Variants in PRELID2 observed in about 807,000 individuals in gnomAD.
PRELID2 encodes the protein PRELI domain containing 2.
Under a neutral mutation model 28.4 loss-of-function variants are expected in PRELID2, and 25 were observed. That is an observed-to-expected ratio of 0.88 (90% CI 0.64 to 1.23). The LOEUF (loss-of-function observed/expected upper bound fraction) is 1.23, where lower values mean the gene tolerates loss of function less well. Ranked by LOEUF, PRELID2 falls within the 50% of genes most tolerant of loss-of-function variation. The pLI, the probability that PRELID2 is intolerant of heterozygous loss-of-function variation, is 0.00. For synonymous variants in PRELID2, 76 were observed against 71.6 expected, an observed-to-expected ratio of 1.06 and a Z score of -0.31; for missense variants, 201 against 214.4, an observed-to-expected ratio of 0.94 and a Z score of 0.39.
At chr5:145,798,633 T>A (rs935088432) in intron 4 of PRELID2, among the ~76,000 whole-genome samples, 1 of 152,148 alleles carries the variant, frequency 6.6e-6, no homozygotes, top group Non-Finnish European at 1.5e-5. Flanking sequence ...CAAATGTCCA[T>A]CAATGATAGA....
chr5:145,595,590 G>A (rs527296358), intron 1 of PRELID2, among the ~76,000 whole-genome samples: 1 of 152,212 alleles, frequency 6.6e-6, no homozygotes, highest in Non-Finnish European at 1.5e-5. Context: ...TACCCTGGTC[G>A]TTAATGAATT....
intron 5 of PRELID2, among the ~76,000 whole-genome samples, chr5:145,766,697 G>C (rs1315036407): frequency 6.6e-6 from 1 of 152,160 alleles, no homozygotes; most frequent in African/African-American, 2.4e-5. Flanking sequence ...ACCACTGTCA[G>C]AGGTAGGAGA....
chr5:145,650,955 G>A (rs994939081), intron 1 of PRELID2, among the ~76,000 whole-genome samples: 8 of 152,270 alleles, frequency 5.3e-5, no homozygotes, highest in African/African-American at 1.9e-4. Flanking sequence ...AAAGCAGGGC[G>A]AGGCATCGCC....
At chr5:145,535,056 A>T (rs1752687437) in intron 1 of PRELID2, among the ~76,000 whole-genome samples, 1 of 151,974 alleles carries the variant, frequency 6.6e-6, no homozygotes, top group Admixed American at 6.6e-5. Flanking sequence ...CCACAGAATT[A>T]TAGACCTTGC....
intron 1 of PRELID2, among the ~76,000 whole-genome samples, chr5:145,717,130 C>A (rs930487407): frequency 6.6e-6 from 1 of 152,048 alleles, no homozygotes; most frequent in Non-Finnish European, 1.5e-5. Context: ...CCCATTAATG[C>A]TTATTTTAAT....
chr5:145,784,245 A>G (rs1030161214), intron 5 of PRELID2, among the ~76,000 whole-genome samples: 11 of 151,580 alleles, frequency 7.3e-5, no homozygotes, highest in Middle Eastern at 3.2e-3. Flanking sequence ...AAAAAAAAAA[A>G]AAAAGAAAAG....
chr5:145,540,689 GAAAA>G (rs34388522), intron 1 of PRELID2, among the ~76,000 whole-genome samples: 1 of 98,380 alleles, frequency 1.0e-5, no homozygotes, highest in Non-Finnish European at 2.2e-5. Context: ...GTCAATGGCA[GAAAA>G]AAAAAAAAAA....
the PRELID2 span, among the ~76,000 whole-genome samples, chr5:145,414,372 C>G: frequency 9.2e-5 from 14 of 152,162 alleles, no homozygotes; most frequent in Non-Finnish European, 1.5e-4. Context: ...ACCACCACAA[C>G]GAAAGTAACC....
chr5:145,713,659 T>C lies in PRELID2; in HGVS notation n.70+51272A>G, dbSNP rs867943276. ...ATTTATATATACTATATATAAAGTATATATAGTGTGTGTATATATATATAC... is the reference window on the plus strand; with the variant it reads ...ATTTATATATACTATATATAAAGTACATATAGTGTGTGTATATATATATAC... On this transcript the variant is annotated intron_variant and non_coding_transcript_variant, in intron 1 of 2. Transcript: ENST00000510259. 2.2e-3 allele frequency among the ~76,000 whole-genome samples: 211 copies of C among 96,728 alleles called. 2 individuals are homozygous for C. Among genetic ancestry groups the C allele is most frequent in the Middle Eastern group, 0.016 (3 of 184 alleles). 63.5% of individuals were successfully genotyped at this position (96,728 alleles called of 152,430 possible).
At chr5:145,335,806 T>A in the PRELID2 span, among the ~76,000 whole-genome samples, 2 of 152,168 alleles carry the variant, frequency 1.3e-5, no homozygotes, top group Non-Finnish European at 2.9e-5. Context: ...GATGGCTGGG[T>A]CAAATGGTAT....
At chr5:145,564,472 T>C (rs530015038) in intron 1 of PRELID2, among the ~76,000 whole-genome samples, 1 of 152,328 alleles carries the variant, frequency 6.6e-6, no homozygotes, top group African/African-American at 2.4e-5. Flanking sequence ...TGTCCTGAAC[T>C]CTTGGTACAG....
At chr5:145,630,453 C>T (rs1753916801) in intron 1 of PRELID2, among the ~76,000 whole-genome samples, 1 of 152,128 alleles carries the variant, frequency 6.6e-6, no homozygotes, top group African/African-American at 2.4e-5. Flanking sequence ...CATAAAAGGA[C>T]AAGGAAGAAC....
intron 1 of PRELID2, among the ~76,000 whole-genome samples, chr5:145,713,857 TA>T (rs1755772640): frequency 6.6e-6 from 1 of 151,266 alleles, no homozygotes; most frequent in African/African-American, 2.4e-5. Flanking sequence ...AATTACATTT[TA>T]AAGTGCTGAA....
At chr5:145,291,440 A>G in the PRELID2 span, among the ~76,000 whole-genome samples, 2,632 of 151,786 alleles carry the variant, frequency 0.017, 72 homozygotes, top group African/African-American at 0.061. Flanking sequence ...GTATCTATGA[A>G]GGTTCCCAGG....
chr5:145,353,409 G>A, the PRELID2 span, among the ~76,000 whole-genome samples: 2 of 151,924 alleles, frequency 1.3e-5, no homozygotes, highest in African/African-American at 4.8e-5. Context: ...GTTGCAGTGA[G>A]CCAAGATTGT....
chr5:145,330,090 C>G, the PRELID2 span, among the ~76,000 whole-genome samples: 3 of 151,876 alleles, frequency 2.0e-5, no homozygotes, highest in Non-Finnish European at 4.4e-5. Context: ...GATTTGTGTA[C>G]GTTGAACCAG....
intron 1 of PRELID2, among the ~76,000 whole-genome samples, chr5:145,620,835 AC>A (rs1170192315): frequency 1.4e-4 from 22 of 152,072 alleles, no homozygotes; most frequent in South Asian, 6.2e-4. Context: ...ACACACACAC[AC>A]ACACACAAAA....
intron 4 of PRELID2, among the ~76,000 whole-genome samples, chr5:145,801,016 T>C (rs1753101837): frequency 1.3e-5 from 2 of 152,150 alleles, no homozygotes; most frequent in Non-Finnish European, 2.9e-5. Flanking sequence ...GATGGACAGA[T>C]GGACAGATGA....
the PRELID2 span, among the ~76,000 whole-genome samples, chr5:145,368,698 A>G: frequency 6.6e-6 from 1 of 151,932 alleles, no homozygotes; most frequent in Non-Finnish European, 1.5e-5. Flanking sequence ...GTAGTCACCC[A>G]TAACAGATTT....
Sources: gnomAD v4.1 joint callset for allele counts (sites outside exome capture counted in the v4.1 genomes callset) on GRCh38, gnomAD v4.1.1 for gene constraint, MANE v1.5 for transcripts, NCBI Gene and HGNC (gene_info 2026-07-23, HGNC 2026-07-21) for gene names.